NLK: variants seen among roughly 807,000 people sequenced by gnomAD.
NLK encodes serine/threonine-protein kinase NLK.
A neutral mutation model predicts 59.0 loss-of-function variants in NLK; 11 were observed. That is an observed-to-expected ratio of 0.19 (90% confidence interval 0.12 to 0.31). The LOEUF (loss-of-function observed/expected upper bound fraction) is 0.31. Among genes scored for constraint, NLK ranks in the 10% least tolerant of loss-of-function variants. The pLI is 1.00. For synonymous variants in NLK, 235 were observed against 235.9 expected (o/e 1.00, Z 0.03); for missense variants, 410 against 661.1 (o/e 0.62, Z 4.16).
chr17:28,134,014 A>G (rs1470392511), intron 3 of NLK, among the ~76,000 whole-genome samples: 3 of 152,094 alleles, frequency 2.0e-5, no homozygotes, highest in African/African-American at 7.2e-5. Flanking sequence ...TTTAAACCAA[A>G]AGCTCTTGAA....
intron 1 of NLK, among the ~76,000 whole-genome samples, chr17:28,089,361 CTTAT>C (rs1257430348): frequency 6.6e-6 from 1 of 151,928 alleles, no homozygotes; most frequent in Non-Finnish European, 1.5e-5. Flanking sequence ...TTTCACGCAG[CTTAT>C]TTATTTTGAG....
the NLK span, among the ~76,000 whole-genome samples, chr17:28,205,992 G>T: frequency 6.6e-6 from 1 of 152,114 alleles, no homozygotes; most frequent in Non-Finnish European, 1.5e-5. Context: ...CCTGACCCTA[G>T]TAGTCATTTC....
intron 3 of NLK, among the ~76,000 whole-genome samples, chr17:28,153,666 A>T (rs763927651): frequency 6.6e-6 from 1 of 152,094 alleles, no homozygotes; most frequent in Non-Finnish European, 1.5e-5. Context: ...GCAATTGTGA[A>T]ATTTTTATTT....
chr17:28,131,680 T>C (rs1906524589), intron 2 of NLK, among the ~76,000 whole-genome samples: 1 of 151,990 alleles, frequency 6.6e-6, no homozygotes, highest in South Asian at 2.1e-4. Flanking sequence ...AGTAGTTTCT[T>C]CCATGTCCTT....
chr17:28,169,551 A>G (rs976768667), intron 6 of NLK, among the ~76,000 whole-genome samples: 3 of 152,194 alleles, frequency 2.0e-5, no homozygotes, highest in Non-Finnish European at 4.4e-5. Context: ...ACATATTGAC[A>G]TAATTACTGG....
downstream of NLK, among the ~76,000 whole-genome samples, chr17:28,199,175 A>G (rs1909557795): frequency 6.6e-6 from 1 of 152,246 alleles, no homozygotes; most frequent in Non-Finnish European, 1.5e-5. Context: ...TTTAAAGCAA[A>G]AGATTAAAAA....
intron 1 of NLK, among the ~76,000 whole-genome samples, chr17:28,111,760 T>C (rs1905489973): frequency 6.6e-6 from 1 of 152,122 alleles, no homozygotes; most frequent in African/African-American, 2.4e-5. Context: ...TTTTAATTTT[T>C]AGCCTAGCTT....
intron 3 of NLK, among the ~76,000 whole-genome samples, chr17:28,147,072 T>C (rs1907287012): frequency 6.6e-6 from 1 of 152,212 alleles, no homozygotes. Context: ...GATTTTTACA[T>C]GTCAATGTCA....
At chr17:28,158,822 G>C (rs1907889954) in intron 3 of NLK, among the ~76,000 whole-genome samples, 1 of 152,066 alleles carries the variant, frequency 6.6e-6, no homozygotes, top group Admixed American at 6.6e-5. Context: ...GTTGAGGTCT[G>C]AGTTGCTTTT....
rs553673164 is a variant in NLK at position 28,141,461 on chromosome 17, G to C, written c.644+8786G>C. On this transcript the variant is annotated intron_variant, in intron 3 of 10. Coordinates refer to ENST00000407008, the MANE Select transcript of NLK (RefSeq NM_016231.5). ...TGCCCTCCATTCAAAATGCTGTTGC[G>C]GTTGCTTGTAACACTGGTAGCAGTC... Among the ~76,000 whole-genome samples, 13 of 152,226 alleles carry C rather than the reference G, an allele frequency of 8.5e-5. No individual in the cohort carries two copies. In the South Asian group the frequency reaches 2.7e-3, roughly 32 times the overall value.
rs569251291 is a variant in NLK at position 28,184,935 on chromosome 17, G to A, written c.1150-244G>A. On this transcript the variant is annotated intron_variant, in intron 7 of 10. Coordinates refer to ENST00000407008, the MANE Select transcript of NLK (RefSeq NM_016231.5). ...TGCACCCTAGCCTGGGTGAGAGAGCGAGAATCCATATCAAAAAATAAAAAT... is the reference window on the plus strand; with the variant it reads ...TGCACCCTAGCCTGGGTGAGAGAGCAAGAATCCATATCAAAAAATAAAAAT... Among the ~76,000 whole-genome samples the A allele has an allele frequency of 5.3e-5, 8 of 152,198 alleles. No homozygotes were observed. The East Asian group carries it at 9.6e-4, about 18-fold the overall frequency.
At chr17:28,152,536 A>G (rs1008633989) in intron 3 of NLK, among the ~76,000 whole-genome samples, 2 of 152,228 alleles carry the variant, frequency 1.3e-5, no homozygotes, top group African/African-American at 4.8e-5. Flanking sequence ...CTTCGCATCC[A>G]TGCAAGAACT....
intron 6 of NLK, among the ~76,000 whole-genome samples, chr17:28,169,084 C>T (rs903482804): frequency 2.0e-5 from 3 of 152,042 alleles, no homozygotes; most frequent in African/African-American, 7.2e-5. Context: ...CAGGGTTTTG[C>T]TGTATTGGCC....
chr17:28,145,708 G>A (rs1314831734), intron 3 of NLK, among the ~76,000 whole-genome samples: 1 of 151,796 alleles, frequency 6.6e-6, no homozygotes. Flanking sequence ...TGGCTTAAAG[G>A]AGCATTTTTT....
chr17:28,198,010 CA>C (rs1909526675), downstream of NLK, among the ~76,000 whole-genome samples: 1 of 152,104 alleles, frequency 6.6e-6, no homozygotes, highest in South Asian at 2.1e-4. Context: ...GGAAACTAAG[CA>C]AACACAGATT....
In NLK at chr17:28,156,136, AATATGCAAAAAT is replaced by A. The variant is rs542510677; in HGVS notation, c.645-5019_645-5008del. ...TCAAAATATACAAAAATATATACAAAATATGCAAAAATATATACAAAAATATAAGAGCCAGTA... is the reference window on the plus strand; with the variant it reads ...TCAAAATATACAAAAATATATACAAAATATACAAAAATATAAGAGCCAGTA... On this transcript the variant is annotated intron_variant, in intron 3 of 10. Coordinates refer to ENST00000407008, the MANE Select transcript of NLK (RefSeq NM_016231.5). Among the ~76,000 whole-genome samples the A allele has an allele frequency of 7.9e-4, 121 of 152,306 alleles. 1 individual carries two copies. Among genetic ancestry groups the A allele is most frequent in the Middle Eastern group, 3.4e-3 (1 of 294 alleles).
chr17:28,130,420 G>T (rs553466102), intron 2 of NLK, among the ~76,000 whole-genome samples: 1 of 151,990 alleles, frequency 6.6e-6, no homozygotes, highest in African/African-American at 2.4e-5. Context: ...TAAAACAACA[G>T]GCGTTTAAAA....
intron 3 of NLK, among the ~76,000 whole-genome samples, chr17:28,152,301 T>G (rs1165254008): frequency 1.3e-5 from 2 of 152,250 alleles, no homozygotes; most frequent in Non-Finnish European, 2.9e-5. Flanking sequence ...ACTTACTCTG[T>G]TTTTGGCTTT....
intron 1 of NLK, among the ~76,000 whole-genome samples, chr17:28,104,931 T>G (rs755751736): frequency 6.6e-6 from 1 of 152,226 alleles, no homozygotes; most frequent in African/African-American, 2.4e-5. Flanking sequence ...GGTTTTCTTA[T>G]GGCCACCTTC....
Sources: allele counts gnomAD v4.1 joint callset (sites outside exome capture counted in the v4.1 genomes callset), GRCh38; gene constraint gnomAD v4.1.1; transcripts MANE v1.5; gene names NCBI Gene and HGNC (gene_info 2026-07-23, HGNC 2026-07-21).